The following GNAO1 variants were observed in gnomAD, a reference collection of about 807,000 sequenced individuals.
The protein encoded by GNAO1 is G protein subunit alpha o1.
For synonymous variants in GNAO1, 164 were observed against 180.7 expected, an observed-to-expected ratio of 0.91 and a Z score of 0.74; for missense variants, 166 against 478.7, an observed-to-expected ratio of 0.35 and a Z score of 6.10.
chr16:56,237,099 A>T (rs572326010), intron 2 of GNAO1, among the ~76,000 whole-genome samples: 1 of 152,350 alleles, frequency 6.6e-6, no homozygotes, highest in Non-Finnish European at 1.5e-5. Context: ...TTAGCACAAA[A>T]TGAGTACTCA....
chr16:56,260,714 G>T (rs1013550565), intron 2 of GNAO1, among the ~76,000 whole-genome samples: 1 of 166 alleles, frequency 6.0e-3, no homozygotes, highest in Non-Finnish European at 0.019. Flanking sequence ...TTTTTTGGGG[G>T]CATGACCCGC....
At chr16:56,227,489 T>G (rs1249243525) in intron 2 of GNAO1, among the ~76,000 whole-genome samples, 1 of 152,128 alleles carries the variant, frequency 6.6e-6, no homozygotes, top group Non-Finnish European at 1.5e-5. Flanking sequence ...TCCTGACCAC[T>G]GCCAGCTACC....
At chr16:56,257,051 C>G (rs1301589767) in intron 2 of GNAO1, among the ~76,000 whole-genome samples, 1 of 152,126 alleles carries the variant, frequency 6.6e-6, no homozygotes, top group Non-Finnish European at 1.5e-5. Flanking sequence ...CATTACTATG[C>G]CTTTGACACA....
chr16:56,197,381 G>A (rs187386086), intron 2 of GNAO1, among the ~76,000 whole-genome samples: 1 of 152,296 alleles, frequency 6.6e-6, no homozygotes, highest in Admixed American at 6.5e-5. Flanking sequence ...GAGTGCGAAC[G>A]GAATGTCAGA....
chr16:56,332,095 G>A (rs577532551), intron 4 of GNAO1, among the ~76,000 whole-genome samples: 1 of 152,236 alleles, frequency 6.6e-6, no homozygotes, highest in Admixed American at 6.5e-5. Context: ...GCCATCTGGT[G>A]ACGACAGCAG....
intron 2 of GNAO1, among the ~76,000 whole-genome samples, chr16:56,242,884 CAGCAGGA>C (rs2036707886): frequency 6.6e-6 from 1 of 152,206 alleles, no homozygotes; most frequent in Admixed American, 6.5e-5. Flanking sequence ...CCAGGCCATA[CAGCAGGA>C]AGTGAGTAGC....
chr16:56,289,677 G>A lies in GNAO1; in HGVS notation c.303+13605G>A, dbSNP rs7205470. Among the ~76,000 whole-genome samples, 500 of 152,274 alleles carry A rather than the reference G, an allele frequency of 3.3e-3. 2 individuals are homozygous for A. The highest frequency in any genetic ancestry group is 0.011 in the African/African-American group (476 of 41,560). On this transcript the variant is annotated intron_variant, in intron 3 of 8. Transcript: ENST00000262493. ...AGGATGAGATGGCAGAGCATACGGCGCAGGCTTGAGGAGGGGGTACGGAGG... is the reference window on the plus strand; with the variant it reads ...AGGATGAGATGGCAGAGCATACGGCACAGGCTTGAGGAGGGGGTACGGAGG...
chr16:56,323,243 G>A (rs1443429241), intron 3 of GNAO1, among the ~76,000 whole-genome samples: 1 of 152,146 alleles, frequency 6.6e-6, no homozygotes, highest in Admixed American at 6.5e-5. Flanking sequence ...TCTGGAATGC[G>A]GGAATGATGG....
rs142937991 is a variant in GNAO1 at position 56,338,149 on chromosome 16, G to A, written c.723+1289G>A. On this transcript the variant is annotated intron_variant, in intron 6 of 8. Coordinates refer to ENST00000262493, the MANE Select transcript of GNAO1 (RefSeq NM_020988.3). ...CACAGTGCTATAGGGAGGAGGAGCC[G>A]CCGCCCTGAGGGGCTTACACAGAGT... 1.2e-3 allele frequency among the ~76,000 whole-genome samples: 178 copies of A among 152,250 alleles called. 1 individual carries two copies. The highest frequency in any genetic ancestry group is 4.0e-3 in the African/African-American group (167 of 41,536).
At chr16:56,331,614 G>A (rs2037689356) in intron 4 of GNAO1, among the ~76,000 whole-genome samples, 1 of 152,054 alleles carries the variant, frequency 6.6e-6, no homozygotes, top group East Asian at 1.9e-4. Flanking sequence ...AGACTCCCTC[G>A]ATGCCTCCTG....
At chr16:56,192,384 CG>C (rs766825059) in intron 1 of GNAO1, 31 bp downstream of exon 1, 7 of 1,289,740 alleles carry the variant, frequency 5.4e-6, no homozygotes, top group South Asian at 3.6e-5. Flanking sequence ...CCCCATCCCC[CG>C]ACCCCGGCCA....
chr16:56,339,030 C>T, intron 6 of GNAO1, among the ~76,000 whole-genome samples: 1 of 152,274 alleles, frequency 6.6e-6, no homozygotes, highest in East Asian at 1.9e-4. Flanking sequence ...CCAAGGCTGG[C>T]CACCTTTGCA....
At position 56,305,196 on chromosome 16, in the gene GNAO1, C is replaced by G. The variant is rs2037382077; in HGVS notation, c.304-23435C>G. Among the ~76,000 whole-genome samples, 2 of 152,186 alleles carry G rather than the reference C, an allele frequency of 1.3e-5. 1 individual carries two copies. Among genetic ancestry groups the G allele is most frequent in the Admixed American group, 1.3e-4 (2 of 15,284 alleles). On this transcript the variant is annotated intron_variant, in intron 3 of 8. Transcript: ENST00000262493. ...CCTAGTGCCCATCTCAACGTATAGCCTGGAGTCCATTTATTCCATGAGCAG... is the reference window on the plus strand; with the variant it reads ...CCTAGTGCCCATCTCAACGTATAGCGTGGAGTCCATTTATTCCATGAGCAG...
In GNAO1 at chr16:56,191,581, G is replaced by C. The variant is rs1228748871; in HGVS notation, c.-655G>C. On this transcript the variant is annotated 5_prime_UTR_variant, in exon 1 of 9. Coordinates refer to ENST00000262493, the MANE Select transcript of GNAO1 (RefSeq NM_020988.3). This position sits in a 1 kb window ranked among gnomAD's most constrained non-coding sequence, Gnocchi z 4.7. The stretch of plus-strand genomic sequence containing the variant: ...GGCTCACCGAGCGATGCGAGCTCTG[G>C]GAGACAGCGACGCCGCCTCCCGCTA... The C allele has an allele frequency of 6.6e-6, 1 of 152,114 alleles. No individual in the cohort carries two copies. Among genetic ancestry groups the C allele is most frequent in the South Asian group, 2.0e-4 (1 of 4,894 alleles). 9.4% of individuals were successfully genotyped at this position (152,114 alleles called of 1,614,324 possible). A position where few individuals can be genotyped will look rare whatever the true frequency, so the allele number is the denominator to read the frequency against.
At chr16:56,201,872 G>T (rs1404910870) in intron 2 of GNAO1, among the ~76,000 whole-genome samples, 6 of 152,224 alleles carry the variant, frequency 3.9e-5, no homozygotes, top group Non-Finnish European at 5.9e-5. Flanking sequence ...GACGATTCTT[G>T]TGGATCATCT....
At chr16:56,241,910 A>T (rs2036697405) in intron 2 of GNAO1, among the ~76,000 whole-genome samples, 1 of 152,228 alleles carries the variant, frequency 6.6e-6, no homozygotes, top group Admixed American at 6.5e-5. Flanking sequence ...AACTGGCCTG[A>T]GCTGCAATGG....
chr16:56,244,887 T>C (rs2036728550), intron 2 of GNAO1, among the ~76,000 whole-genome samples: 1 of 152,184 alleles, frequency 6.6e-6, no homozygotes, highest in East Asian at 1.9e-4. Flanking sequence ...TGTTTCCCAC[T>C]GAATAGCACC....
chr16:56,349,703 G>A (rs2037903972), intron 6 of GNAO1, among the ~76,000 whole-genome samples: 1 of 152,182 alleles, frequency 6.6e-6, no homozygotes, highest in Non-Finnish European at 1.5e-5. Context: ...TGGGGGGTGG[G>A]GAATAACGCC....
intron 3 of GNAO1, among the ~76,000 whole-genome samples, chr16:56,294,655 T>C (rs2037266358): frequency 6.6e-6 from 1 of 152,166 alleles, no homozygotes; most frequent in Admixed American, 6.5e-5. Flanking sequence ...CTGGGTCACG[T>C]TGGGAGGGTA....
Sources: gnomAD v4.1 joint callset for allele counts (sites outside exome capture counted in the v4.1 genomes callset) on GRCh38, gnomAD v4.1.1 for gene constraint, Gnocchi (gnomAD v3.1) non-coding constraint, MANE v1.5 for transcripts, NCBI Gene and HGNC (gene_info 2026-07-23, HGNC 2026-07-21) for gene names.